The following AHI1 variants were observed in gnomAD, a reference collection of about 807,000 sequenced individuals.
AHI1 encodes Abelson helper integration site 1, also known as jouberin.
A neutral mutation model predicts 149.3 loss-of-function variants in AHI1; 123 were observed. That is an observed-to-expected ratio of 0.82 (90% CI 0.71 to 0.96). The LOEUF (loss-of-function observed/expected upper bound fraction) is 0.96, where lower values mean the gene tolerates loss of function less well. AHI1 is among the 40% of genes least tolerant of loss of function. AHI1 has a pLI of 0.00. For missense variants in AHI1, 1,439 were observed against 1,422.7 expected, an observed-to-expected ratio of 1.01 and a Z score of -0.18; for synonymous variants, 475 against 459.8, an observed-to-expected ratio of 1.03 and a Z score of -0.42.
intron 6 of AHI1, 109 bp from the exon 7 acceptor site, chr6:135,466,482 T>C (rs1174527845): frequency 1.9e-6 from 2 of 1,068,380 alleles, no homozygotes; most frequent in Non-Finnish European, 2.7e-6. Context: ...GGAGGATTAT[T>C]TAGTTTTTCA....
intron 24 of AHI1, among the ~76,000 whole-genome samples, chr6:135,341,049 A>G (rs1306616299): frequency 6.6e-6 from 1 of 152,076 alleles, no homozygotes; most frequent in Non-Finnish European, 1.5e-5. Flanking sequence ...AAGGAAAAAC[A>G]ACAACGATAA....
intron 23 of AHI1, among the ~76,000 whole-genome samples, chr6:135,382,856 G>A (rs1386571708): frequency 4.0e-5 from 5 of 126,538 alleles, no homozygotes; most frequent in Admixed American, 3.8e-4. Flanking sequence ...AGAGCTGCTT[G>A]CTTGGTTCCA....
At chr6:135,321,705 C>A (rs1165910734) in intron 25 of AHI1, among the ~76,000 whole-genome samples, 1 of 152,078 alleles carries the variant, frequency 6.6e-6, no homozygotes, top group African/African-American at 2.4e-5. Flanking sequence ...AGCCTGAAAA[C>A]CAATTATTAT....
At chr6:135,492,865 A>G (rs532304548) in intron 3 of AHI1, 56 of 985,196 alleles carry the variant, frequency 5.7e-5, no homozygotes, top group African/African-American at 1.0e-4. Flanking sequence ...CTCAGTATGT[A>G]TATTACTAAA....
chr6:135,492,942 G>A (rs1329412765), intron 3 of AHI1: 1 of 977,314 alleles, frequency 1.0e-6, no homozygotes, highest in Non-Finnish European at 1.2e-6. Flanking sequence ...AGAACATTTA[G>A]AATGTAATAT....
intron 24 of AHI1, among the ~76,000 whole-genome samples, chr6:135,338,376 T>C (rs954303890): frequency 1.3e-5 from 2 of 151,744 alleles, no homozygotes; most frequent in Non-Finnish European, 1.5e-5. Context: ...ATAATTCTAA[T>C]TGTGATACAT....
intron 24 of AHI1, among the ~76,000 whole-genome samples, chr6:135,330,101 A>G (rs914220959): frequency 6.6e-6 from 1 of 152,242 alleles, no homozygotes; most frequent in Non-Finnish European, 1.5e-5. Context: ...TCTTGCTGAA[A>G]TAACAGAGGA....
rs764830616 is a variant in AHI1 at position 135,411,430 on chromosome 6, G to T, written c.2879C>A (p.Ser960Tyr). The T allele has an allele frequency of 2.5e-6, 4 of 1,613,710 alleles. No individual in the cohort carries two copies. The highest frequency in any genetic ancestry group is 4.5e-5 in the East Asian group (2 of 44,872). Residue 960 changes from serine to tyrosine, a missense_variant, in exon 21 of 29, where the codon TCT becomes TAT. Ser to Tyr is a moderately radical substitution (Grantham distance 144). Transcript: ENST00000265602. ...CTCPKLPHQG[S>Y]FQIDEFVHTE... ...GTGGACAAATTCATCAATCTGAAAA[G>T]AGCCTTGATGGGGTAGTTTTGGACA...
chr6:135,452,094 T>C (rs1460591357), intron 11 of AHI1, among the ~76,000 whole-genome samples: 1 of 152,208 alleles, frequency 6.6e-6, no homozygotes, highest in Non-Finnish European at 1.5e-5. Flanking sequence ...TTTAACAGCA[T>C]CTGTTCTATA....
At chr6:135,461,911 GT>G (rs201551746) in intron 8 of AHI1, among the ~76,000 whole-genome samples, 1,533 of 152,078 alleles carry the variant, frequency 0.01, 14 homozygotes, top group Middle Eastern at 0.044. Flanking sequence ...TGTCCAGGTA[GT>G]GGTTACTCCC....
chr6:135,425,537 T>C (rs895364381), intron 20 of AHI1, among the ~76,000 whole-genome samples: 1 of 151,852 alleles, frequency 6.6e-6, no homozygotes, highest in Non-Finnish European at 1.5e-5. Context: ...ATTGTGCTTA[T>C]CAATTTACCT....
intron 24 of AHI1, among the ~76,000 whole-genome samples, chr6:135,357,855 T>TC (rs1368062515): frequency 1.3e-5 from 2 of 152,208 alleles, no homozygotes; most frequent in African/African-American, 4.8e-5. Flanking sequence ...TGGCCTTTTT[T>TC]CACTATTATA....
chr6:135,371,544 C>T (rs1018312148), intron 23 of AHI1, among the ~76,000 whole-genome samples: 6 of 152,272 alleles, frequency 3.9e-5, no homozygotes, highest in Admixed American at 3.9e-4. Flanking sequence ...AGAGTCTTAT[C>T]ATTCTTCTGC....
intron 22 of AHI1, among the ~76,000 whole-genome samples, chr6:135,401,503 T>C (rs1435179914): frequency 6.6e-6 from 1 of 152,206 alleles, no homozygotes; most frequent in East Asian, 1.9e-4. Flanking sequence ...TTTATTATCC[T>C]AGATCTAATA....
chr6:135,439,213 C>A (rs1785889066), intron 14 of AHI1, among the ~76,000 whole-genome samples: 1 of 152,202 alleles, frequency 6.6e-6, no homozygotes, highest in Admixed American at 6.5e-5. Context: ...CGCAGTCAAC[C>A]ATGGTCTGAA....
intron 23 of AHI1, among the ~76,000 whole-genome samples, chr6:135,376,939 C>T (rs1776034255): frequency 9.7e-6 from 1 of 103,380 alleles, no homozygotes; most frequent in Non-Finnish European, 1.9e-5. Context: ...CAGTTTGACT[C>T]AAAAGTCAAT....
chr6:135,426,769 T>G (rs1056315292), intron 20 of AHI1, among the ~76,000 whole-genome samples: 1 of 151,628 alleles, frequency 6.6e-6, no homozygotes, highest in Non-Finnish European at 1.5e-5. Flanking sequence ...AGACATTAGA[T>G]TTCTAATTCC....
chr6:135,292,410 T>C (rs1419597027), intron 27 of AHI1, among the ~76,000 whole-genome samples: 1 of 152,298 alleles, frequency 6.6e-6, no homozygotes, highest in Non-Finnish European at 1.5e-5. Context: ...TGAAAATACA[T>C]AGAACATCTA....
intron 24 of AHI1, among the ~76,000 whole-genome samples, chr6:135,348,406 A>C (rs1791575694): frequency 6.6e-6 from 1 of 152,130 alleles, no homozygotes; most frequent in African/African-American, 2.4e-5. Flanking sequence ...GCTTCCTTAG[A>C]GTGGTTAAAT....
Sources: allele counts gnomAD v4.1 joint callset (sites outside exome capture counted in the v4.1 genomes callset), GRCh38; gene constraint gnomAD v4.1.1; transcripts MANE v1.5; gene names NCBI Gene and HGNC (gene_info 2026-07-23, HGNC 2026-07-21).